The following ECT2 variants were observed in gnomAD, a reference collection of about 807,000 sequenced individuals.
ECT2 encodes epithelial cell transforming 2.
In ECT2, 61 loss-of-function variants were observed where a neutral mutation model predicts 116.9. The ratio of observed to expected loss-of-function variants is 0.52; its 90% CI spans 0.42 to 0.65. ECT2 has a LOEUF of 0.65. ECT2 is among the 30% of genes least tolerant of loss of function. The pLI, the probability that ECT2 is intolerant of heterozygous loss-of-function variation, is 0.00. For synonymous variants in ECT2, 358 were observed against 346.4 expected, an observed-to-expected ratio of 1.03 and a Z score of -0.37; for missense variants, 937 against 1,078.7, an observed-to-expected ratio of 0.87 and a Z score of 1.84.
intron 18 of ECT2, among the ~76,000 whole-genome samples, chr3:172,790,238 C>CT (rs1387840512): frequency 1.3e-5 from 2 of 152,096 alleles, no homozygotes; most frequent in East Asian, 1.9e-4. Context: ...CTTTTTCTTT[C>CT]TTTTTTTGTC....
At chr3:172,787,074 A>G (rs1161302426) in intron 18 of ECT2, among the ~76,000 whole-genome samples, 17 of 152,208 alleles carry the variant, frequency 1.1e-4, no homozygotes, top group Admixed American at 1.1e-3. Context: ...GAGTTTGGTC[A>G]TAAACTTAGG....
At chr3:172,807,638 T>C in intron 21 of ECT2, 132 bp from the exon 22 acceptor site, 2 of 1,030,132 alleles carry the variant, frequency 1.9e-6, no homozygotes, top group Non-Finnish European at 2.8e-6. Flanking sequence ...TTATTAAAAA[T>C]AGGACAAGGA....
intron 11 of ECT2, 81 bp from the exon 12 acceptor site, chr3:172,764,197 C>A: frequency 2.4e-6 from 3 of 1,245,906 alleles, no homozygotes; most frequent in Non-Finnish European, 3.4e-6. Context: ...TTCTGTCAGA[C>A]TTGTAAATAT....
At chr3:172,760,809 C>A (rs2108286857) in intron 7 of ECT2, among the ~76,000 whole-genome samples, 1 of 149,682 alleles carries the variant, frequency 6.7e-6, no homozygotes, top group Admixed American at 6.7e-5. Flanking sequence ...CAAGCTCCGC[C>A]TCCTGGGTTC....
the ECT2 span, chr3:172,828,909 C>G: frequency 6.9e-6 from 10 of 1,447,832 alleles, no homozygotes; most frequent in Non-Finnish European, 9.5e-6. Context: ...CTGCCAAACA[C>G]AATTCCAATG....
At chr3:172,751,400 AC>A (rs1715787073) in intron 1 of ECT2, among the ~76,000 whole-genome samples, 1 of 151,834 alleles carries the variant, frequency 6.6e-6, no homozygotes, top group Non-Finnish European at 1.5e-5. Context: ...TACCTCTTTT[AC>A]CCCTTACTAA....
chr3:172,772,769 C>T (rs1720893005), intron 13 of ECT2, among the ~76,000 whole-genome samples: 1 of 151,892 alleles, frequency 6.6e-6, no homozygotes, highest in Non-Finnish European at 1.5e-5. Context: ...GTCCGTGACC[C>T]ATTTTGAGTT....
At chr3:172,753,806 A>T (rs563235097) in intron 1 of ECT2, among the ~76,000 whole-genome samples, 1 of 152,330 alleles carries the variant, frequency 6.6e-6, no homozygotes, top group South Asian at 2.1e-4. Flanking sequence ...GAGGGTGAAT[A>T]GTTAGGCGGG....
At chr3:172,785,205 A>G (rs1284403682) in intron 17 of ECT2, among the ~76,000 whole-genome samples, 1 of 152,114 alleles carries the variant, frequency 6.6e-6, no homozygotes, top group African/African-American at 2.4e-5. Context: ...CTTTATGCTT[A>G]CTGTTTTTGA....
intron 18 of ECT2, among the ~76,000 whole-genome samples, chr3:172,792,412 ACTTT>A (rs1219734984): frequency 6.6e-6 from 1 of 150,400 alleles, no homozygotes; most frequent in African/African-American, 2.4e-5. Context: ...GCCTATATGC[ACTTT>A]CTATGATTTT....
chr3:172,823,932 TC>T (rs1317328687), downstream of ECT2, among the ~76,000 whole-genome samples: 21 of 92,100 alleles, frequency 2.3e-4, no homozygotes, highest in Non-Finnish European at 4.1e-4. Context: ...TAAGTTTTTC[TC>T]TTTTTTTTTT....
intron 23 of ECT2, 120 bp downstream of exon 23, chr3:172,815,831 T>C: frequency 1.5e-6 from 1 of 670,424 alleles, no homozygotes; most frequent in South Asian, 2.0e-5. Flanking sequence ...TGTTCTTCGG[T>C]TCTAGGAAAT....
At chr3:172,819,135 A>T (rs890627801) in intron 24 of ECT2, among the ~76,000 whole-genome samples, 2 of 152,166 alleles carry the variant, frequency 1.3e-5, no homozygotes, top group East Asian at 3.8e-4. Flanking sequence ...ATGCCAAATC[A>T]TAAAAGTTCC....
At chr3:172,781,681 T>C (rs892461856) in intron 14 of ECT2, among the ~76,000 whole-genome samples, 7 of 152,192 alleles carry the variant, frequency 4.6e-5, no homozygotes, top group African/African-American at 1.7e-4. Flanking sequence ...ATCCAGCCCA[T>C]TGCGTGTTTC....
Position 172,807,818 on chromosome 3 carries a change from CA to C in ECT2, c.2297del (p.Asn766MetfsTer8). 6.2e-7 allele frequency: 1 copy of C among 1,613,824 alleles called. No individual in the cohort carries two copies. The highest frequency in any genetic ancestry group is 8.5e-7 in the Non-Finnish European group (1 of 1,179,810). Reference sequence around the variant, plus strand: ...CTTGTGAGGCCACCAACAGAGCAGGCAAATGTGCTACTCAGTTTCCAGATGA... The same window carrying C: ...CTTGTGAGGCCACCAACAGAGCAGGCAATGTGCTACTCAGTTTCCAGATGA... ...ALLVRPPTEQ[A>X]NVLLSFQMTS... On this transcript the variant is annotated frameshift_variant, in exon 22 of 25. Coordinates refer to ENST00000392692, the MANE Select transcript of ECT2 (RefSeq NM_001258315.2). LOFTEE classifies it high-confidence loss of function.
intron 8 of ECT2, 151 bp downstream of exon 8, chr3:172,761,834 TAAA>T: frequency 2.3e-6 from 1 of 430,126 alleles, no homozygotes; most frequent in South Asian, 7.5e-5. Context: ...GAACAAGTTA[TAAA>T]AAATTATAAA....
intron 12 of ECT2, among the ~76,000 whole-genome samples, chr3:172,767,052 G>A (rs1719539792): frequency 6.6e-6 from 1 of 152,206 alleles, no homozygotes; most frequent in Non-Finnish European, 1.5e-5. Flanking sequence ...TCCCACTGAA[G>A]TATATTCTGT....
At chr3:172,829,211 C>A in the ECT2 span, 1 of 356,012 alleles carries the variant, frequency 2.8e-6, no homozygotes, top group South Asian at 4.0e-5. Context: ...GTCTCGGCGC[C>A]CAGCCAAAAA....
the ECT2 span, among the ~76,000 whole-genome samples, chr3:172,827,267 C>G: frequency 1.4e-3 from 213 of 152,274 alleles, 1 homozygote; most frequent in African/African-American, 4.6e-3. Context: ...ATCCAGCAAT[C>G]CCACTGCTGG....
Sources: allele counts gnomAD v4.1 joint callset (sites outside exome capture counted in the v4.1 genomes callset), GRCh38; gene constraint gnomAD v4.1.1; transcripts MANE v1.5; gene names NCBI Gene and HGNC (gene_info 2026-07-23, HGNC 2026-07-21).